The following SYT11 variants were observed in gnomAD, a reference collection of about 807,000 sequenced individuals.
SYT11 encodes the protein synaptotagmin 11.
SYT11 carries 12 observed loss-of-function variants against 30.4 expected under a neutral mutation model. The observed-to-expected ratio is 0.39, with a 90% CI of 0.25 to 0.64. The LOEUF (loss-of-function observed/expected upper bound fraction) is 0.64, where lower values mean the gene tolerates loss of function less well. SYT11 is among the 30% of genes least tolerant of loss of function. SYT11 has a pLI of 0.45. For synonymous variants in SYT11, 204 were observed against 216.0 expected (o/e 0.94, Z 0.49); for missense variants, 412 against 552.0 (o/e 0.75, Z 2.54).
chr1:155,859,945 T>C (rs577327448), intron 1 of SYT11, 150 bp downstream of exon 1: 3 of 766,430 alleles, frequency 3.9e-6, no homozygotes, highest in South Asian at 3.0e-5. Context: ...GGGTAGTGGG[T>C]AGTGGGCAGT....
At chr1:155,869,343 T>A (rs1411099365) in intron 2 of SYT11, among the ~76,000 whole-genome samples, 1 of 131,944 alleles carries the variant, frequency 7.6e-6, no homozygotes, top group Non-Finnish European at 1.6e-5. Context: ...CAATCTCAGC[T>A]CATTGCAACC....
rs1350601942 is a variant in SYT11, at chr1:155,884,719, T to G, written c.*3211T>G. ...CTTCTCTGAAGAGATCTTGATTCCT[T>G]TGGGAAGACAAGAATTTTTCTTAAT... On this transcript the variant is annotated 3_prime_UTR_variant, in exon 4 of 4. Coordinates refer to ENST00000368324, the MANE Select transcript of SYT11 (RefSeq NM_152280.5). The G allele has an allele frequency of 1.3e-5, 2 of 152,790 alleles. No homozygotes were observed. Among genetic ancestry groups the G allele is most frequent in the African/African-American group, 2.4e-5 (1 of 41,458 alleles). The allele number at this position is 152,790 out of a possible 1,614,324, so 9.5% of individuals were successfully genotyped here. A position where few individuals can be genotyped will look rare whatever the true frequency, so the allele number is the denominator to read the frequency against.
At chr1:155,879,516 A>G (rs1000057973) in intron 2 of SYT11, among the ~76,000 whole-genome samples, 4 of 152,152 alleles carry the variant, frequency 2.6e-5, no homozygotes, top group Non-Finnish European at 5.9e-5. Context: ...GGTGCTGGGG[A>G]GGAAGCTGAC....
chr1:155,862,465 CA>C (rs1241068862), intron 1 of SYT11, among the ~76,000 whole-genome samples: 3 of 152,232 alleles, frequency 2.0e-5, no homozygotes, highest in East Asian at 3.9e-4. Context: ...GAAACAAGGC[CA>C]GGGGGAACAA....
rs534210704 is a variant in SYT11 at position 155,876,765 on chromosome 1, T to G, written c.862-3735T>G. 2.0e-5 allele frequency among the ~76,000 whole-genome samples: 3 copies of G among 152,094 alleles called. No homozygotes were observed. The East Asian group carries it at 5.8e-4, about 29-fold the overall frequency. ...TAGTTCCAGTCCCAATCATTTCTTC[T>G]GTAGCACGTTGCTACAGAACAACGA... On this transcript the variant is annotated intron_variant, in intron 2 of 3. Coordinates refer to ENST00000368324, the MANE Select transcript of SYT11 (RefSeq NM_152280.5).
intron 1 of SYT11, among the ~76,000 whole-genome samples, chr1:155,866,383 C>T (rs1241967474): frequency 1.3e-5 from 2 of 152,142 alleles, no homozygotes; most frequent in Non-Finnish European, 2.9e-5. Context: ...TCCCAAAGTG[C>T]TGGGATAACA....
chr1:155,879,770 T>G (rs1672931889), intron 2 of SYT11, among the ~76,000 whole-genome samples: 1 of 152,242 alleles, frequency 6.6e-6, no homozygotes, highest in African/African-American at 2.4e-5. Context: ...TGGGCACCAT[T>G]GCAGTTTACA....
Position 155,868,313 on chromosome 1 carries a change from A to G in SYT11, c.383A>G (p.Tyr128Cys), listed in dbSNP as rs908640761. 1.2e-6 allele frequency: 2 copies of G among 1,614,110 alleles called. No individual in the cohort carries two copies. Among genetic ancestry groups the G allele is most frequent in the Non-Finnish European group, 1.7e-6 (2 of 1,180,014 alleles). ...CIDQLPIKMDYGEELRSPITS... is the reference protein window; with the variant it reads ...CIDQLPIKMDCGEELRSPITS... Reference sequence around the variant, plus strand: ...GACCAATTACCCATCAAAATGGACTATGGGGAAGAACTAAGGAGCCCTATT... The same window carrying G: ...GACCAATTACCCATCAAAATGGACTGTGGGGAAGAACTAAGGAGCCCTATT... The change falls in exon 2 of 4, where the codon TAT (tyrosine) becomes TGT (cysteine). Residue 128 changes from tyrosine to cysteine, a missense_variant. Transcript: ENST00000368324. The surrounding 1 kb of genome is among the most constrained non-coding windows in gnomAD (Gnocchi z 4.7).
In SYT11 at chr1:155,868,884, G is replaced by A. The variant is rs745674188; in HGVS notation, c.861+93G>A. ...GAAGTGGGAGGGGAGTGGGTTGGGT[G>A]GCAAAGAAGGGCTGTAGAGAGGAAG... On this transcript the variant is annotated intron_variant, in intron 2 of 3. Transcript: ENST00000368324. This position sits in a 1 kb window ranked among gnomAD's most constrained non-coding sequence, Gnocchi z 4.7. 4.2e-6 allele frequency: 5 copies of A among 1,184,326 alleles called. No individual in the cohort carries two copies. The highest frequency in any genetic ancestry group is 2.3e-5 in the Admixed American group (1 of 44,164). 73.4% of individuals were successfully genotyped at this position (1,184,326 alleles called of 1,614,324 possible).
At chr1:155,881,020 G>A (rs822509) in intron 3 of SYT11, among the ~76,000 whole-genome samples, 178 bp from the exon 4 acceptor site, 82,315 of 151,976 alleles carry the variant, frequency 0.54, 24,349 homozygotes, top group Middle Eastern at 0.67. Context: ...CATCCAGGCA[G>A]GCAGACTCAC....
chr1:155,863,879 C>T (rs1571971906), intron 1 of SYT11, among the ~76,000 whole-genome samples: 2 of 151,638 alleles, frequency 1.3e-5, no homozygotes, highest in South Asian at 4.2e-4. Context: ...CGAGATCGCG[C>T]CATTGCACTC....
At position 155,881,759 on chromosome 1, in the gene SYT11, G is replaced by A. The variant is rs529086211; in HGVS notation, c.*251G>A. 210 of 302,640 alleles carry A rather than the reference G, an allele frequency of 6.9e-4. 1 individual carries two copies. Among genetic ancestry groups the A allele is most frequent in the African/African-American group, 3.9e-3 (182 of 46,092 alleles). 18.7% of individuals were successfully genotyped at this position (302,640 alleles called of 1,614,324 possible). On this transcript the variant is annotated 3_prime_UTR_variant, in exon 4 of 4. Coordinates refer to ENST00000368324, the MANE Select transcript of SYT11 (RefSeq NM_152280.5). Reference sequence around the variant, plus strand: ...TTTATTTTTTTTGAGGTGGAGTTTCGCTCTTGTTGCCCGGGCTGGAGTGCA... The same window carrying A: ...TTTATTTTTTTTGAGGTGGAGTTTCACTCTTGTTGCCCGGGCTGGAGTGCA...
chr1:155,860,043 C>T lies in SYT11; in HGVS notation c.34+248C>T, dbSNP rs1178464342. On this transcript the variant is annotated intron_variant, in intron 1 of 3. Transcript: ENST00000368324. This position sits in a 1 kb window ranked among gnomAD's most constrained non-coding sequence, Gnocchi z 4.1. ...GTGGGGAAGTCCAGGATGCTAAAAC[C>T]TTGTATGGTGCACTGTCAGCACTGC... 6.6e-6 allele frequency among the ~76,000 whole-genome samples: 1 copy of T among 152,236 alleles called. No homozygotes were observed. Among genetic ancestry groups the T allele is most frequent in the African/African-American group, 2.4e-5 (1 of 41,464 alleles).
chr1:155,875,740 A>G (rs1449783495), intron 2 of SYT11, among the ~76,000 whole-genome samples: 2 of 152,098 alleles, frequency 1.3e-5, no homozygotes, highest in African/African-American at 4.8e-5. Flanking sequence ...AGACATTTCC[A>G]TATGCTCCTA....
chr1:155,875,376 A>G (rs1009088202), intron 2 of SYT11, among the ~76,000 whole-genome samples: 4 of 151,976 alleles, frequency 2.6e-5, no homozygotes, highest in African/African-American at 9.7e-5. Flanking sequence ...TTTCAATTTC[A>G]AAAGCTAAGG....
rs1226756077 is a variant in SYT11, at chr1:155,865,356, G to T, written c.35-2609G>T. 2.6e-5 allele frequency among the ~76,000 whole-genome samples: 4 copies of T among 152,212 alleles called. No homozygotes were observed. The South Asian group carries it at 8.3e-4, about 32-fold the overall frequency. On this transcript the variant is annotated intron_variant, in intron 1 of 3. Coordinates refer to ENST00000368324, the MANE Select transcript of SYT11 (RefSeq NM_152280.5). ...TACAAGAATGCTTTAGGCCGGGCGCGGTGGCTCATGCCTGTAATCCCAGCA... is the reference window on the plus strand; with the variant it reads ...TACAAGAATGCTTTAGGCCGGGCGCTGTGGCTCATGCCTGTAATCCCAGCA...
intron 2 of SYT11, among the ~76,000 whole-genome samples, chr1:155,870,522 G>A (rs759961418): frequency 2.0e-5 from 3 of 152,232 alleles, no homozygotes; most frequent in Non-Finnish European, 4.4e-5. Context: ...GAGGCCACTA[G>A]AAACAACTGC....
chr1:155,876,583 A>G (rs1372253084), intron 2 of SYT11, among the ~76,000 whole-genome samples: 2 of 151,790 alleles, frequency 1.3e-5, no homozygotes, highest in African/African-American at 4.8e-5. Context: ...TCCCAGCCTC[A>G]TCCCCACTTT....
chr1:155,867,899 G>T, intron 1 of SYT11, 66 bp from the exon 2 acceptor site: 1 of 1,226,102 alleles, frequency 8.2e-7, no homozygotes, highest in South Asian at 1.4e-5. Context: ...GTGGCAATGA[G>T]CAGGGGAGAT....
Sources: allele counts gnomAD v4.1 joint callset (sites outside exome capture counted in the v4.1 genomes callset), GRCh38; gene constraint gnomAD v4.1.1; non-coding constraint Gnocchi (gnomAD v3.1); transcripts MANE v1.5; gene names NCBI Gene and HGNC (gene_info 2026-07-23, HGNC 2026-07-21).